Variants in RELN observed in about 807,000 individuals in gnomAD.
The protein encoded by RELN is reelin.
Under a neutral mutation model 427.6 loss-of-function variants are expected in RELN, and 108 were observed. The ratio of observed to expected loss-of-function variants is 0.25; its 90% CI spans 0.22 to 0.30. The LOEUF is 0.30. Among genes scored for constraint, RELN ranks in the 10% least tolerant of loss-of-function variants. RELN has a pLI of 1.00. For synonymous variants in RELN, 1,524 were observed against 1,513.4 expected (o/e 1.01, Z -0.16); for missense variants, 3,715 against 4,302.8 (o/e 0.86, Z 3.82).
intron 16 of RELN, among the ~76,000 whole-genome samples, chr7:103,644,670 G>A (rs1035510017): frequency 1.3e-5 from 2 of 151,684 alleles, no homozygotes; most frequent in East Asian, 3.9e-4. Flanking sequence ...AGGTATTACC[G>A]AGGGAGAAGA....
At chr7:103,751,886 A>G (rs1013991998) in intron 5 of RELN, among the ~76,000 whole-genome samples, 5 of 152,262 alleles carry the variant, frequency 3.3e-5, no homozygotes, top group Non-Finnish European at 5.9e-5. Flanking sequence ...ATAGTGAAAG[A>G]CATTTGAAAA....
At chr7:103,734,045 T>G (rs1469419321) in intron 6 of RELN, among the ~76,000 whole-genome samples, 1 of 152,186 alleles carries the variant, frequency 6.6e-6, no homozygotes, top group Non-Finnish European at 1.5e-5. Flanking sequence ...ATTTGCGGGA[T>G]AATGAGTGGT....
intron 24 of RELN, among the ~76,000 whole-genome samples, chr7:103,600,808 C>T (rs1831648409): frequency 6.6e-6 from 1 of 152,140 alleles, no homozygotes. Context: ...AGTTGCAGGG[C>T]ATAAATGTGA....
intron 46 of RELN, among the ~76,000 whole-genome samples, chr7:103,529,707 A>G (rs1829898190): frequency 6.6e-6 from 1 of 152,054 alleles, no homozygotes; most frequent in Non-Finnish European, 1.5e-5. Flanking sequence ...CAAGCAATAA[A>G]GAGGCAGTAC....
At position 103,539,187 on chromosome 7, in the gene RELN, A is replaced by G. The variant is rs1318165529; in HGVS notation, c.7071T>C (p.Ile2357=). 4 of 1,614,216 alleles carry G rather than the reference A, an allele frequency of 2.5e-6. No homozygotes were observed. The highest frequency in any genetic ancestry group is 3.4e-6 in the Non-Finnish European group (4 of 1,180,026). Residue 2357 remains isoleucine (I), a synonymous_variant, in exon 45 of 65, where the codon ATT becomes ATC. Coordinates refer to ENST00000428762, the MANE Select transcript of RELN (RefSeq NM_005045.4). The part of the protein sequence containing the change: ...CGSTGDALVF[I]EKASTRYVVS... ...CCACGTAACGGGTGCTGGCCTTTTCAATGAAGACCAGGGCATCACCAGTAG... is the reference window on the plus strand; with the variant it reads ...CCACGTAACGGGTGCTGGCCTTTTCGATGAAGACCAGGGCATCACCAGTAG...
At chr7:103,736,600 G>C (rs1351351439) in intron 6 of RELN, among the ~76,000 whole-genome samples, 2 of 152,088 alleles carry the variant, frequency 1.3e-5, no homozygotes, top group African/African-American at 4.8e-5. Context: ...TAACAGGTAC[G>C]AATGACAAAC....
At chr7:103,956,409 G>C (rs759606133) in intron 1 of RELN, among the ~76,000 whole-genome samples, 1 of 152,122 alleles carries the variant, frequency 6.6e-6, no homozygotes, top group Non-Finnish European at 1.5e-5. Flanking sequence ...GAAAAGACCA[G>C]GATAAACCCA....
At chr7:103,791,971 A>G (rs779448097) in intron 3 of RELN, among the ~76,000 whole-genome samples, 37 of 152,318 alleles carry the variant, frequency 2.4e-4, no homozygotes, top group Non-Finnish European at 4.4e-4. Flanking sequence ...TAAACACATG[A>G]AAAGATGCTC....
At chr7:103,831,534 T>C (rs1793273922) in intron 3 of RELN, among the ~76,000 whole-genome samples, 1 of 152,186 alleles carries the variant, frequency 6.6e-6, no homozygotes, top group Non-Finnish European at 1.5e-5. Context: ...GTCAATTTTG[T>C]TGTTGATACC....
In RELN at chr7:103,589,705, C is replaced by T; in HGVS notation, c.4036G>A (p.Gly1346Arg). The T allele has an allele frequency of 6.2e-7, 1 of 1,614,046 alleles. No individual in the cohort carries two copies. The highest frequency in any genetic ancestry group is 8.5e-7 in the Non-Finnish European group (1 of 1,179,914). Reference sequence around the variant, plus strand: ...AGTTCTCTGGAGTTTCCTTCGCATCCTTTGCCTGCAGAAGCCGGGTAACAG... The same window carrying T: ...AGTTCTCTGGAGTTTCCTTCGCATCTTTTGCCTGCAGAAGCCGGGTAACAG... ...EGCYPASAGK[G>R]CEGNSRELSE... Residue 1346 changes from glycine to arginine, a missense_variant, in exon 28 of 65, where the codon GGA (glycine) becomes AGA (arginine). Around this residue, in one of 4 missense-constraint regions of RELN, gnomAD observed 2,208 missense variants for 2,361.7 expected, o/e 0.93. Coordinates refer to ENST00000428762, the MANE Select transcript of RELN (RefSeq NM_005045.4).
intron 11 of RELN, among the ~76,000 whole-genome samples, chr7:103,665,401 T>C (rs1833242537): frequency 6.6e-6 from 1 of 151,494 alleles, no homozygotes; most frequent in African/African-American, 2.4e-5. Flanking sequence ...ATATGTAAAA[T>C]AGCTCTTGAT....
intron 11 of RELN, among the ~76,000 whole-genome samples, chr7:103,670,751 T>C (rs535696915): frequency 1.8e-4 from 27 of 152,182 alleles, no homozygotes; most frequent in African/African-American, 5.8e-4. Flanking sequence ...TCATTATAGG[T>C]TGATGAAAAT....
At chr7:103,577,852 A>G (rs1214113182) in intron 28 of RELN, among the ~76,000 whole-genome samples, 1 of 152,162 alleles carries the variant, frequency 6.6e-6, no homozygotes, top group Non-Finnish European at 1.5e-5. Context: ...TTATGTTTCT[A>G]TGATAGAACC....
intron 22 of RELN, among the ~76,000 whole-genome samples, chr7:103,608,148 C>T (rs1831862947): frequency 6.6e-6 from 1 of 152,154 alleles, no homozygotes; most frequent in Admixed American, 6.5e-5. Context: ...AACTGCATTC[C>T]CTTTCCCCAA....
intron 4 of RELN, among the ~76,000 whole-genome samples, chr7:103,755,285 A>G (rs1167822956): frequency 6.6e-6 from 1 of 150,962 alleles, no homozygotes; most frequent in African/African-American, 2.4e-5. Flanking sequence ...TGGCTAACAC[A>G]GTGAAACTCC....
In RELN at chr7:103,650,382, A is replaced by T; in HGVS notation, c.1894T>A (p.Trp632Arg). ...TVYSSENYSG[W>R]NRITIPLPNA... is the part of the protein sequence containing the mutation. ...GGAAGGGGAATTGTTATTCGGTTCC[A>T]CCTGCAAGAAATTTAGCACAAAACC... Residue 632 changes from tryptophan (W) to arginine (R), a missense_variant and splice_region_variant, in exon 16 of 65, where the codon TGG becomes AGG. Trp to Arg is a moderately radical substitution (Grantham distance 101). This residue lies in a region of RELN where 2,208 missense variants were observed against 2,361.7 expected (regional missense o/e 0.93). Coordinates refer to ENST00000428762, the MANE Select transcript of RELN (RefSeq NM_005045.4). 6.3e-7 allele frequency: 1 copy of T among 1,592,136 alleles called. No homozygotes were observed.
intron 50 of RELN, among the ~76,000 whole-genome samples, chr7:103,512,439 A>G (rs771310227): frequency 7.9e-5 from 12 of 152,280 alleles, no homozygotes; most frequent in South Asian, 4.2e-4. Context: ...TTCTGGATAG[A>G]TATTTCTTTT....
chr7:103,597,599 T>C (rs1354987069), intron 24 of RELN, among the ~76,000 whole-genome samples: 1 of 152,096 alleles, frequency 6.6e-6, no homozygotes, highest in African/African-American at 2.4e-5. Flanking sequence ...TGAGACTCTG[T>C]CTCAAAAAAG....
chr7:103,902,380 A>G (rs1410688997), intron 2 of RELN, among the ~76,000 whole-genome samples: 1 of 152,088 alleles, frequency 6.6e-6, no homozygotes, highest in Non-Finnish European at 1.5e-5. Flanking sequence ...TTTCCAGAAT[A>G]TGATCTTTGA....
Sources: gnomAD v4.1 joint callset for allele counts (sites outside exome capture counted in the v4.1 genomes callset) on GRCh38, gnomAD v4.1.1 for gene constraint, gnomAD v4.1.1 regional missense constraint, MANE v1.5 for transcripts, NCBI Gene and HGNC (gene_info 2026-07-23, HGNC 2026-07-21) for gene names.